Variants in UNC13C observed in about 807,000 individuals in gnomAD.
UNC13C encodes the protein protein unc-13 homolog C.
A neutral mutation model predicts 245.4 loss-of-function variants in UNC13C; 174 were observed. The ratio of observed to expected loss-of-function variants is 0.71; its 90% confidence interval spans 0.63 to 0.80. UNC13C has a LOEUF of 0.80. UNC13C is among the 30% of genes least tolerant of loss of function. The pLI is 0.00. For synonymous variants in UNC13C, 992 were observed against 895.1 expected, an observed-to-expected ratio of 1.11 and a Z score of -1.93; for missense variants, 2,829 against 2,602.9, an observed-to-expected ratio of 1.09 and a Z score of -1.89.
intron 30 of UNC13C, among the ~76,000 whole-genome samples, chr15:54,575,815 A>T (rs560754701): frequency 6.6e-6 from 1 of 152,364 alleles, no homozygotes; most frequent in South Asian, 2.1e-4. Flanking sequence ...TGGACTATCT[A>T]GAATTTCCTT....
chr15:54,082,245 C>G (rs1898983272), intron 2 of UNC13C, among the ~76,000 whole-genome samples: 1 of 152,080 alleles, frequency 6.6e-6, no homozygotes, highest in Non-Finnish European at 1.5e-5. Context: ...GATCATATAT[C>G]TTGGTGATGG....
chr15:54,514,404 G>C (rs1319114054), intron 24 of UNC13C, among the ~76,000 whole-genome samples: 2 of 152,172 alleles, frequency 1.3e-5, no homozygotes, highest in African/African-American at 4.8e-5. Context: ...GTAAATAAGG[G>C]AAATATTCCA....
At chr15:54,606,726 G>C (rs1192813320) in intron 30 of UNC13C, among the ~76,000 whole-genome samples, 4 of 152,170 alleles carry the variant, frequency 2.6e-5, no homozygotes, top group Non-Finnish European at 5.9e-5. Flanking sequence ...GTCATGCTGA[G>C]TTAGGAGCTA....
intron 30 of UNC13C, among the ~76,000 whole-genome samples, chr15:54,591,341 G>A (rs113537210): frequency 6.6e-6 from 1 of 152,086 alleles, no homozygotes; most frequent in African/African-American, 2.4e-5. Flanking sequence ...TCTCTGTCTT[G>A]TGGAATAGTG....
chr15:53,982,491 G>C (rs996512541), intron 1 of UNC13C, among the ~76,000 whole-genome samples: 5 of 152,062 alleles, frequency 3.3e-5, no homozygotes, highest in East Asian at 1.9e-4. Flanking sequence ...TTCTGAAAGG[G>C]GGCACTGATG....
chr15:54,037,738 G>T (rs947075294), intron 2 of UNC13C, among the ~76,000 whole-genome samples: 1 of 151,978 alleles, frequency 6.6e-6, no homozygotes, highest in Non-Finnish European at 1.5e-5. Flanking sequence ...GTGATCTAAC[G>T]CCATTCACTT....
intron 18 of UNC13C, among the ~76,000 whole-genome samples, chr15:54,409,459 A>G (rs1369489762): frequency 6.6e-6 from 1 of 152,086 alleles, no homozygotes; most frequent in Non-Finnish European, 1.5e-5. Flanking sequence ...GGTTTGATAT[A>G]CAAATTATTC....
At chr15:54,219,372 G>C (rs2035147948) in intron 4 of UNC13C, among the ~76,000 whole-genome samples, 3 of 152,094 alleles carry the variant, frequency 2.0e-5, no homozygotes, top group Admixed American at 2.0e-4. Flanking sequence ...TTAATAAATG[G>C]TGCTGGGAAA....
At chr15:54,302,316 T>C (rs1364884807) in intron 13 of UNC13C, among the ~76,000 whole-genome samples, 1 of 152,222 alleles carries the variant, frequency 6.6e-6, no homozygotes, top group African/African-American at 2.4e-5. Context: ...TTGTCAATTT[T>C]GGCTTTTGTT....
At chr15:53,953,398 C>A in the UNC13C span, among the ~76,000 whole-genome samples, 1 of 152,166 alleles carries the variant, frequency 6.6e-6, no homozygotes, top group Non-Finnish European at 1.5e-5. Context: ...GAAGTCAAGG[C>A]ACATTAGCAA....
At chr15:54,315,839 C>T (rs1338464357) in intron 13 of UNC13C, among the ~76,000 whole-genome samples, 2 of 151,806 alleles carry the variant, frequency 1.3e-5, no homozygotes, top group East Asian at 3.9e-4. Flanking sequence ...TTTCTCTTCC[C>T]CATCCTGCTC....
chr15:54,075,455 TTGCAGTGAGC>T lies in UNC13C; in HGVS notation c.2983+59570_2983+59579del, dbSNP rs1898554610. On this transcript the variant is annotated intron_variant, in intron 2 of 32. Coordinates refer to ENST00000260323, the MANE Select transcript of UNC13C (RefSeq NM_001080534.3). Reference sequence around the variant, plus strand: ...GCCGGAGCTTGCAGTGAGCCGGAGCTTGCAGTGAGCCGGAGCTTGCAGTGAGCCGGAGCTT... The same window carrying T: ...GCCGGAGCTTGCAGTGAGCCGGAGCTCGGAGCTTGCAGTGAGCCGGAGCTT... 2.8e-5 allele frequency among the ~76,000 whole-genome samples: 4 copies of T among 143,102 alleles called. No homozygotes were observed. The South Asian group carries it at 9.0e-4, about 32-fold the overall frequency. The allele number at this position is 143,102 out of a possible 152,430, so 93.9% of individuals were successfully genotyped here.
intron 17 of UNC13C, among the ~76,000 whole-genome samples, chr15:54,369,810 CA>C (rs2039448095): frequency 6.6e-6 from 1 of 151,976 alleles, no homozygotes; most frequent in South Asian, 2.1e-4. Context: ...GAAGAAAAAC[CA>C]AAAGGGTATG....
intron 4 of UNC13C, among the ~76,000 whole-genome samples, chr15:54,183,664 A>G (rs1337600987): frequency 2.0e-5 from 3 of 151,624 alleles, no homozygotes; most frequent in Admixed American, 1.3e-4. Context: ...TTTGGAGAAT[A>G]TGAGTGATGG....
the UNC13C span, among the ~76,000 whole-genome samples, chr15:53,888,400 T>C: frequency 6.6e-6 from 1 of 151,524 alleles, no homozygotes; most frequent in African/African-American, 2.4e-5. Context: ...TTAATAGAGT[T>C]TTTTTTTCTT....
intron 19 of UNC13C, among the ~76,000 whole-genome samples, chr15:54,487,904 A>G (rs1893504971): frequency 6.6e-6 from 1 of 151,478 alleles, no homozygotes; most frequent in East Asian, 1.9e-4. Context: ...ATTTTTCCTG[A>G]CATATTACGT....
intron 1 of UNC13C, among the ~76,000 whole-genome samples, chr15:53,993,903 T>C (rs1894501162): frequency 6.6e-6 from 1 of 152,050 alleles, no homozygotes; most frequent in African/African-American, 2.4e-5. Context: ...CTATTCTTAA[T>C]GTAGTTTTAT....
chr15:53,921,338 T>C, the UNC13C span, among the ~76,000 whole-genome samples: 1 of 152,182 alleles, frequency 6.6e-6, no homozygotes, highest in African/African-American at 2.4e-5. Flanking sequence ...GAATATTCCA[T>C]TTATAATAAG....
the UNC13C span, chr15:53,913,443 G>A: frequency 1.3e-5 from 2 of 152,244 alleles, no homozygotes; most frequent in African/African-American, 4.8e-5. Flanking sequence ...AGTAATAATA[G>A]GATGGGTGTG....
Sources: allele counts gnomAD v4.1 joint callset (sites outside exome capture counted in the v4.1 genomes callset), GRCh38; gene constraint gnomAD v4.1.1; transcripts MANE v1.5; gene names NCBI Gene and HGNC (gene_info 2026-07-23, HGNC 2026-07-21).